The following CTNNBL1 variants were observed in gnomAD, a reference collection of about 807,000 sequenced individuals.
The protein encoded by CTNNBL1 is beta-catenin-like protein 1.
In CTNNBL1, 31 loss-of-function variants were observed where a neutral mutation model predicts 72.7. The observed-to-expected ratio is 0.43, with a 90% CI of 0.32 to 0.58. CTNNBL1 has a LOEUF of 0.58. CTNNBL1 is among the 20% of genes least tolerant of loss of function. The pLI, the probability that CTNNBL1 is intolerant of heterozygous loss-of-function variation, is 0.08. For synonymous variants in CTNNBL1, 240 were observed against 267.3 expected, an observed-to-expected ratio of 0.90 and a Z score of 1.00; for missense variants, 534 against 725.1, an observed-to-expected ratio of 0.74 and a Z score of 3.03.
At chr20:37,827,401 A>G (rs994642014) in intron 11 of CTNNBL1, among the ~76,000 whole-genome samples, 10 of 152,190 alleles carry the variant, frequency 6.6e-5, no homozygotes, top group African/African-American at 1.7e-4. Context: ...TTATAATTGA[A>G]CTGAGAGAGG....
At chr20:37,869,498 TG>T (rs984794049) in intron 15 of CTNNBL1, among the ~76,000 whole-genome samples, 1 of 152,226 alleles carries the variant, frequency 6.6e-6, no homozygotes, top group Non-Finnish European at 1.5e-5. Context: ...GACACTCTGC[TG>T]GGGGGCCCTC....
intron 1 of CTNNBL1, among the ~76,000 whole-genome samples, chr20:37,704,718 A>G (rs1348748699): frequency 6.6e-6 from 1 of 152,102 alleles, no homozygotes; most frequent in African/African-American, 2.4e-5. Flanking sequence ...CTCAAAAAAA[A>G]AAAAGGGAAG....
At chr20:37,817,680 T>A (rs1034218195) in intron 11 of CTNNBL1, among the ~76,000 whole-genome samples, 10 of 152,222 alleles carry the variant, frequency 6.6e-5, no homozygotes, top group Non-Finnish European at 1.3e-4. Context: ...ATGCAGATTG[T>A]GCTTCAGTAG....
chr20:37,766,044 A>G (rs1317915559), intron 6 of CTNNBL1, among the ~76,000 whole-genome samples: 1 of 152,042 alleles, frequency 6.6e-6, no homozygotes, highest in Non-Finnish European at 1.5e-5. Context: ...ATTTGATGAG[A>G]TTAGATTTTT....
chr20:37,853,249 C>T (rs1311089987), intron 13 of CTNNBL1, among the ~76,000 whole-genome samples: 4 of 152,154 alleles, frequency 2.6e-5, no homozygotes, highest in African/African-American at 9.7e-5. Flanking sequence ...GGGCATAATT[C>T]AGTTTTTCCC....
At chr20:37,759,525 C>G (rs2073395685) in intron 5 of CTNNBL1, among the ~76,000 whole-genome samples, 1 of 152,140 alleles carries the variant, frequency 6.6e-6, no homozygotes, top group Admixed American at 6.5e-5. Flanking sequence ...TGCATCTTGG[C>G]AGATTTTATT....
At chr20:37,866,440 T>A (rs144636955) in intron 15 of CTNNBL1, among the ~76,000 whole-genome samples, 1 of 152,238 alleles carries the variant, frequency 6.6e-6, no homozygotes, top group African/African-American at 2.4e-5. Flanking sequence ...GCTCTTCCCC[T>A]CTCCAAGCCA....
chr20:37,703,330 AT>A (rs2122544956), intron 1 of CTNNBL1, among the ~76,000 whole-genome samples: 1 of 152,268 alleles, frequency 6.6e-6, no homozygotes, highest in African/African-American at 2.4e-5. Context: ...ATCCCACATA[AT>A]GTTTGTCATA....
intron 10 of CTNNBL1, 100 bp downstream of exon 10, chr20:37,779,435 G>A: frequency 7.1e-7 from 1 of 1,399,536 alleles, no homozygotes; most frequent in Non-Finnish European, 9.9e-7. Flanking sequence ...ATTCTGTTGG[G>A]TTTCCTAGAC....
intron 2 of CTNNBL1, 49 bp downstream of exon 2, chr20:37,733,116 C>T (rs1403316596): frequency 5.1e-6 from 8 of 1,563,082 alleles, no homozygotes; most frequent in Middle Eastern, 2.2e-4. Context: ...CCCTGTAAAA[C>T]GTAATTTTGG....
intron 1 of CTNNBL1, among the ~76,000 whole-genome samples, chr20:37,698,821 G>A (rs767239061): frequency 3.9e-5 from 6 of 152,132 alleles, no homozygotes; most frequent in African/African-American, 7.2e-5. Flanking sequence ...CAAGGCAGGC[G>A]GATCTCTTGA....
At position 37,812,483 on chromosome 20, in the gene CTNNBL1, C is replaced by T. The variant is rs140601657; in HGVS notation, c.1213+9435C>T. Among the ~76,000 whole-genome samples, 434 of 152,326 alleles carry T rather than the reference C, an allele frequency of 2.8e-3. 3 individuals are homozygous for T. The highest frequency in any genetic ancestry group is 9.3e-3 in the African/African-American group (385 of 41,582). On this transcript the variant is annotated intron_variant, in intron 11 of 15. Coordinates refer to ENST00000361383, the MANE Select transcript of CTNNBL1 (RefSeq NM_030877.5). Reference sequence around the variant, plus strand: ...GCATATTACCCTGGACCCTCAGTTACGATCCTGGTTATACTAGCACTTTTC... The same window carrying T: ...GCATATTACCCTGGACCCTCAGTTATGATCCTGGTTATACTAGCACTTTTC...
At chr20:37,733,154 C>A (rs2122599219) in intron 2 of CTNNBL1, 87 bp downstream of exon 2, 1 of 1,130,248 alleles carries the variant, frequency 8.8e-7, no homozygotes, top group Non-Finnish European at 1.3e-6. Flanking sequence ...TCTGAGCTTC[C>A]CATCTTCATC....
In CTNNBL1 at chr20:37,757,656, G is replaced by A. The variant is rs1289304902; in HGVS notation, c.564G>A (p.Leu188=). The A allele has an allele frequency of 6.2e-7, 1 of 1,610,690 alleles. No individual in the cohort carries two copies. The highest frequency in any genetic ancestry group is 1.1e-5 in the South Asian group (1 of 90,902). ...GAGCAGAAGTGCTCATCGATGCTCT[G>A]GTAAGTTGCACATCCTCTGGGGTTT... ...EEGAEVLIDA[L]VDGQVVALLV... is the part of the protein sequence containing the mutation. The change falls in exon 5 of 16, where the codon CTG becomes CTA. Residue 188 remains leucine (L), a splice_region_variant and synonymous_variant. Coordinates refer to ENST00000361383, the MANE Select transcript of CTNNBL1 (RefSeq NM_030877.5).
chr20:37,722,873 A>T (rs539790576), intron 1 of CTNNBL1, among the ~76,000 whole-genome samples: 2 of 152,364 alleles, frequency 1.3e-5, no homozygotes, highest in Non-Finnish European at 2.9e-5. Flanking sequence ...TTGTCCCTCC[A>T]GCACCTAATA....
intron 1 of CTNNBL1, among the ~76,000 whole-genome samples, chr20:37,709,185 G>T (rs1366072211): frequency 2.6e-5 from 4 of 152,132 alleles, no homozygotes; most frequent in Non-Finnish European, 5.9e-5. Context: ...AGAGTATCAT[G>T]ATGCTTCTCT....
At chr20:37,727,035 A>G (rs962218944) in intron 1 of CTNNBL1, among the ~76,000 whole-genome samples, 2 of 152,086 alleles carry the variant, frequency 1.3e-5, no homozygotes, top group Admixed American at 6.6e-5. Flanking sequence ...TTCATAGTGG[A>G]GTTTTAATTT....
intron 11 of CTNNBL1, among the ~76,000 whole-genome samples, chr20:37,812,838 A>T (rs952214745): frequency 1.3e-5 from 2 of 152,216 alleles, no homozygotes; most frequent in Non-Finnish European, 2.9e-5. Context: ...GTTACAAGGT[A>T]AAGATGTAGA....
At chr20:37,856,192 C>T (rs1399395649) in intron 13 of CTNNBL1, among the ~76,000 whole-genome samples, 3 of 98,946 alleles carry the variant, frequency 3.0e-5, no homozygotes, top group African/African-American at 1.2e-4. Context: ...AAGAGCAAAA[C>T]TCCTTCTCAA....
Sources: allele counts gnomAD v4.1 joint callset (sites outside exome capture counted in the v4.1 genomes callset), GRCh38; gene constraint gnomAD v4.1.1; transcripts MANE v1.5; gene names NCBI Gene and HGNC (gene_info 2026-07-23, HGNC 2026-07-21).